STX2: variants seen among roughly 807,000 people sequenced by gnomAD.
The protein encoded by STX2 is syntaxin 2.
A neutral mutation model predicts 40.6 loss-of-function variants in STX2; 27 were observed. That is an observed-to-expected ratio of 0.66 (90% CI 0.49 to 0.92). STX2 has a LOEUF of 0.92. Ranked by LOEUF, STX2 falls within the 40% of genes least tolerant of loss-of-function variation. The pLI is 0.00. For synonymous variants in STX2, 123 were observed against 119.1 expected, an observed-to-expected ratio of 1.03 and a Z score of -0.22; for missense variants, 328 against 366.1, an observed-to-expected ratio of 0.90 and a Z score of 0.85.
intron 3 of STX2, among the ~76,000 whole-genome samples, chr12:130,818,383 G>T (rs990584102): frequency 6.7e-6 from 1 of 150,272 alleles, no homozygotes; most frequent in African/African-American, 2.5e-5. Context: ...CTGGAGGGTG[G>T]GGGGGAGAGG....
intron 3 of STX2, among the ~76,000 whole-genome samples, chr12:130,813,978 C>T (rs535465691): frequency 6.6e-6 from 1 of 152,324 alleles, no homozygotes; most frequent in Non-Finnish European, 1.5e-5. Flanking sequence ...AGAATGAAAG[C>T]TTTCAGAGAT....
intron 4 of STX2, 32 bp from the exon 5 acceptor site, chr12:130,808,736 A>T: frequency 6.4e-7 from 1 of 1,556,362 alleles, no homozygotes; most frequent in Non-Finnish European, 8.8e-7. Flanking sequence ...TTACCTTCCA[A>T]ATTTAAAAAT....
intron 10 of STX2, among the ~76,000 whole-genome samples, chr12:130,794,342 C>T (rs544838413): frequency 6.6e-6 from 1 of 152,284 alleles, no homozygotes. Context: ...GTTCTGACTG[C>T]CAAATAATGG....
chr12:130,812,883 A>G, intron 4 of STX2, 74 bp downstream of exon 4: 1 of 1,094,664 alleles, frequency 9.1e-7, no homozygotes, highest in Non-Finnish European at 1.3e-6. Context: ...AAAAGAACAA[A>G]AACCAATAAA....
intron 4 of STX2, chr12:130,810,895 G>A (rs996495943): frequency 1.3e-5 from 2 of 152,162 alleles, no homozygotes; most frequent in South Asian, 4.1e-4. Flanking sequence ...CAGGTCATTC[G>A]TCCTACAGAA....
chr12:130,834,723 G>T (rs1320660759), intron 1 of STX2, among the ~76,000 whole-genome samples: 2 of 152,176 alleles, frequency 1.3e-5, no homozygotes, highest in Admixed American at 6.5e-5. Flanking sequence ...CCAACTGTAG[G>T]AACTGTTTGT....
intron 3 of STX2, among the ~76,000 whole-genome samples, chr12:130,820,661 G>A (rs143267945): frequency 0.014 from 2,183 of 151,656 alleles, 62 homozygotes; most frequent in African/African-American, 0.05. Flanking sequence ...GTGAGACTCC[G>A]TCTCAAAATA....
chr12:130,822,497 T>A (rs925683828), intron 2 of STX2, among the ~76,000 whole-genome samples: 6 of 152,178 alleles, frequency 3.9e-5, no homozygotes, highest in Non-Finnish European at 7.3e-5. Context: ...GCTTCATAAT[T>A]ATTATCTTTG....
intron 9 of STX2, among the ~76,000 whole-genome samples, chr12:130,796,599 G>A (rs1951035693): frequency 1.3e-5 from 2 of 152,190 alleles, no homozygotes; most frequent in Admixed American, 1.3e-4. Flanking sequence ...GACTTAATAA[G>A]GTCAGACTAC....
In STX2 at chr12:130,828,996, CA is replaced by C. The variant is rs547484449; in HGVS notation, c.31-1730del. ...CAGGATCCCACACCACTCCAAAAAC[CA>C]AAACAGAATGGCTGAAGGATATTGA... On this transcript the variant is annotated intron_variant, in intron 1 of 10. Transcript: ENST00000392373. Among the ~76,000 whole-genome samples the C allele has an allele frequency of 9.4e-4, 143 of 152,132 alleles. 1 individual carries two copies. The highest frequency in any genetic ancestry group is 3.3e-3 in the African/African-American group (135 of 41,514).
intron 1 of STX2, among the ~76,000 whole-genome samples, chr12:130,838,190 T>C (rs12299628): frequency 0.027 from 4,055 of 152,282 alleles, 75 homozygotes; most frequent in Non-Finnish European, 0.04. Flanking sequence ...AGTACCTGTA[T>C]TGTAAAGGGA....
chr12:130,798,308 G>T, intron 9 of STX2: 1 of 376,024 alleles, frequency 2.7e-6, no homozygotes. Flanking sequence ...CCAGCCCTAG[G>T]GTTTCAATTA....
chr12:130,822,392 G>A (rs1369942334), intron 2 of STX2, among the ~76,000 whole-genome samples: 3 of 151,858 alleles, frequency 2.0e-5, no homozygotes, highest in Non-Finnish European at 4.4e-5. Context: ...CTCCAGCGTG[G>A]GCAACAGAGC....
chr12:130,837,408 C>T (rs1013005349), intron 1 of STX2, among the ~76,000 whole-genome samples: 2 of 152,134 alleles, frequency 1.3e-5, no homozygotes, highest in Non-Finnish European at 1.5e-5. Context: ...ATGCTCCTGC[C>T]GCAGCCTCCA....
intron 10 of STX2, among the ~76,000 whole-genome samples, chr12:130,792,265 T>G (rs1593102735): frequency 6.6e-6 from 1 of 152,164 alleles, no homozygotes; most frequent in Non-Finnish European, 1.5e-5. Flanking sequence ...TTCAGCATGT[T>G]GGCCAGGATA....
At chr12:130,817,860 GA>G (rs1162026920) in intron 3 of STX2, among the ~76,000 whole-genome samples, 2 of 150,064 alleles carry the variant, frequency 1.3e-5, no homozygotes, top group Non-Finnish European at 3.0e-5. Context: ...GATAATTTCA[GA>G]TAATAGCGAA....
chr12:130,805,840 A>C (rs1410463528), intron 6 of STX2, among the ~76,000 whole-genome samples: 1 of 152,250 alleles, frequency 6.6e-6, no homozygotes, highest in African/African-American at 2.4e-5. Flanking sequence ...CTCGAAACTT[A>C]CCAGGCTCGC....
At chr12:130,815,766 C>A (rs768650936) in intron 3 of STX2, among the ~76,000 whole-genome samples, 1 of 152,166 alleles carries the variant, frequency 6.6e-6, no homozygotes, top group East Asian at 1.9e-4. Flanking sequence ...GGGGGGCAAG[C>A]GCCTGAATTT....
intron 6 of STX2, among the ~76,000 whole-genome samples, chr12:130,801,810 T>C (rs1169556477): frequency 1.3e-5 from 2 of 152,162 alleles, no homozygotes; most frequent in African/African-American, 4.8e-5. Flanking sequence ...CTCCGCCTCA[T>C]GTAAAAGGGG....
Sources: gnomAD v4.1 joint callset for allele counts (sites outside exome capture counted in the v4.1 genomes callset) on GRCh38, gnomAD v4.1.1 for gene constraint, MANE v1.5 for transcripts, NCBI Gene and HGNC (gene_info 2026-07-23, HGNC 2026-07-21) for gene names.